The following UVRAG variants were observed in gnomAD, a reference collection of about 807,000 sequenced individuals.
UVRAG encodes the protein UV radiation resistance-associated gene protein.
A neutral mutation model predicts 78.0 loss-of-function variants in UVRAG; 19 were observed. That is an observed-to-expected ratio of 0.24 (90% CI 0.17 to 0.36). The LOEUF (loss-of-function observed/expected upper bound fraction) is 0.36, where lower values mean the gene tolerates loss of function less well. Ranked by LOEUF, UVRAG falls within the 10% of genes least tolerant of loss-of-function variation. The pLI, the probability that UVRAG is intolerant of heterozygous loss-of-function variation, is 1.00. For missense variants in UVRAG, 740 were observed against 853.8 expected (o/e 0.87, Z 1.66); for synonymous variants, 323 against 324.6 (o/e 1.00, Z 0.05).
chr11:75,857,597 C>T (rs1453275018), intron 2 of UVRAG, among the ~76,000 whole-genome samples: 4 of 150,540 alleles, frequency 2.7e-5, no homozygotes, highest in Admixed American at 1.3e-4. Context: ...TCAAACGATT[C>T]GTCTGCCTTA....
intron 13 of UVRAG, among the ~76,000 whole-genome samples, chr11:76,108,958 A>G (rs1477775112): frequency 6.6e-6 from 1 of 152,176 alleles, no homozygotes; most frequent in Non-Finnish European, 1.5e-5. Flanking sequence ...TGGAGTCCTA[A>G]ATCAATCAAA....
At chr11:76,132,366 C>T (rs1312132194) in intron 14 of UVRAG, among the ~76,000 whole-genome samples, 1 of 151,928 alleles carries the variant, frequency 6.6e-6, no homozygotes, top group Non-Finnish European at 1.5e-5. Context: ...GGCCGGGAGC[C>T]AGACAATCAA....
intron 3 of UVRAG, among the ~76,000 whole-genome samples, chr11:75,878,732 GCGCCTGCAAT>G (rs1217546510): frequency 2.0e-5 from 3 of 152,312 alleles, no homozygotes; most frequent in African/African-American, 7.2e-5. Context: ...GTGGCGGCGC[GCGCCTGCAAT>G]CGCAGGCACT....
chr11:75,872,888 T>C (rs1331801102), intron 3 of UVRAG, among the ~76,000 whole-genome samples: 2 of 152,248 alleles, frequency 1.3e-5, no homozygotes, highest in Non-Finnish European at 1.5e-5. Context: ...ATTAGTAGTA[T>C]AGTACCTGGC....
intron 14 of UVRAG, among the ~76,000 whole-genome samples, chr11:76,124,081 A>T (rs1952340483): frequency 1.3e-5 from 2 of 152,212 alleles, no homozygotes; most frequent in South Asian, 4.1e-4. Context: ...AGTTCTTTAA[A>T]TGGAGTTAAT....
chr11:75,917,853 G>A (rs369559032), intron 6 of UVRAG, among the ~76,000 whole-genome samples: 5 of 152,008 alleles, frequency 3.3e-5, no homozygotes, highest in East Asian at 3.9e-4. Flanking sequence ...CTCATCTGTC[G>A]ACCCTTCTTT....
At chr11:75,874,960 G>C (rs997870784) in intron 3 of UVRAG, among the ~76,000 whole-genome samples, 4 of 152,156 alleles carry the variant, frequency 2.6e-5, no homozygotes, top group African/African-American at 9.7e-5. Context: ...TTTGGGTGAC[G>C]GTCTGCTGCT....
chr11:76,141,768 A>T lies in UVRAG; in HGVS notation c.*355A>T, dbSNP rs758015201. 4.6e-6 allele frequency: 1 copy of T among 219,008 alleles called. No individual in the cohort carries two copies. The highest frequency in any genetic ancestry group is 2.3e-5 in the African/African-American group (1 of 43,086). 13.6% of individuals were successfully genotyped at this position (219,008 alleles called of 1,614,324 possible). A position where few individuals can be genotyped will look rare whatever the true frequency, so the allele number is the denominator to read the frequency against. ...ATAATATATAAATAATATAATGAAC[A>T]CACCCTTAGTTTCTCATAAGCATTT... is the stretch of plus-strand genomic sequence containing the variant. On this transcript the variant is annotated 3_prime_UTR_variant, in exon 15 of 15. Transcript: ENST00000356136.
intron 5 of UVRAG, among the ~76,000 whole-genome samples, chr11:75,896,553 C>T (rs1947348461): frequency 6.6e-6 from 1 of 152,180 alleles, no homozygotes; most frequent in African/African-American, 2.4e-5. Context: ...TAAATGGAAA[C>T]TTCTACTCAC....
chr11:75,848,788 A>C (rs1331129202), intron 1 of UVRAG, among the ~76,000 whole-genome samples: 1 of 152,262 alleles, frequency 6.6e-6, no homozygotes, highest in African/African-American at 2.4e-5. Flanking sequence ...CCACGTATAT[A>C]GGATGTAATC....
At chr11:76,062,173 G>A (rs192626196) in intron 12 of UVRAG, among the ~76,000 whole-genome samples, 2 of 152,154 alleles carry the variant, frequency 1.3e-5, no homozygotes, top group South Asian at 2.1e-4. Context: ...TCACCTCTGT[G>A]TTTCCTTATT....
At chr11:75,914,047 GTGACTATTTATCAACCAAATTTACT>G (rs1298969574) in intron 6 of UVRAG, among the ~76,000 whole-genome samples, 4 of 152,150 alleles carry the variant, frequency 2.6e-5, no homozygotes, top group Non-Finnish European at 4.4e-5. Flanking sequence ...ACCAGATCAC[GTGACTATTTATCAACCAAATTTACT>G]GAACCCAGGG....
intron 6 of UVRAG, 135 bp downstream of exon 6, chr11:75,912,174 A>G: frequency 1.6e-6 from 1 of 638,564 alleles, no homozygotes; most frequent in African/African-American, 1.8e-5. Context: ...TGCAAGCGTC[A>G]TAAATTTTGT....
chr11:76,060,915 A>T (rs909044764), intron 12 of UVRAG, among the ~76,000 whole-genome samples: 2 of 152,238 alleles, frequency 1.3e-5, no homozygotes, highest in East Asian at 3.9e-4. Context: ...CATGGCGCCC[A>T]GTGCCATCGA....
intron 6 of UVRAG, among the ~76,000 whole-genome samples, chr11:75,927,649 T>C (rs1188328686): frequency 1.1e-4 from 17 of 152,084 alleles, no homozygotes; most frequent in Non-Finnish European, 2.4e-4. Flanking sequence ...GGTAGGATGA[T>C]CAGGGAAGAC....
chr11:75,943,435 C>T (rs1354067938), intron 6 of UVRAG, among the ~76,000 whole-genome samples: 1 of 151,520 alleles, frequency 6.6e-6, no homozygotes, highest in African/African-American at 2.4e-5. Flanking sequence ...CTGTATACTT[C>T]CTCAAGTGTG....
At chr11:76,135,466 T>C (rs1952584015) in intron 14 of UVRAG, among the ~76,000 whole-genome samples, 1 of 152,216 alleles carries the variant, frequency 6.6e-6, no homozygotes, top group Admixed American at 6.5e-5. Flanking sequence ...TTCTCCCTCA[T>C]CGTGCCATTG....
rs1947493409 is a variant in UVRAG at position 75,901,317 on chromosome 11, G to A, written c.508-10637G>A. 2.6e-5 allele frequency among the ~76,000 whole-genome samples: 4 copies of A among 152,018 alleles called. No individual in the cohort carries two copies. In the South Asian group the frequency reaches 8.3e-4, roughly 32 times the overall value. ...AGATTTCTTATTTTACCTAGGTTAA[G>A]TAGAAGACGACTATTTTCAAAGCTC... On this transcript the variant is annotated intron_variant, in intron 5 of 14. Transcript: ENST00000356136.
At chr11:75,854,525 T>TC (rs1946241456) in intron 2 of UVRAG, among the ~76,000 whole-genome samples, 1 of 152,134 alleles carries the variant, frequency 6.6e-6, no homozygotes, top group Non-Finnish European at 1.5e-5. Flanking sequence ...CAAGCGATTC[T>TC]CCTGCCTCAG....
Sources: allele counts gnomAD v4.1 joint callset (sites outside exome capture counted in the v4.1 genomes callset), GRCh38; gene constraint gnomAD v4.1.1; transcripts MANE v1.5; gene names NCBI Gene and HGNC (gene_info 2026-07-23, HGNC 2026-07-21).